Variants in LPP observed in about 807,000 individuals in gnomAD.
LPP encodes lipoma-preferred partner.
A neutral mutation model predicts 60.4 loss-of-function variants in LPP; 38 were observed. The ratio of observed to expected loss-of-function variants is 0.63; its 90% confidence interval spans 0.49 to 0.83. The LOEUF is 0.83. LPP is among the 40% of genes least tolerant of loss of function. The pLI is 0.00. For synonymous variants in LPP, 328 were observed against 290.8 expected (o/e 1.13, Z -1.30); for missense variants, 902 against 783.6 (o/e 1.15, Z -1.80).
chr3:188,180,460 C>T (rs941564688), intron 1 of LPP: 4 of 154,440 alleles, frequency 2.6e-5, no homozygotes, highest in African/African-American at 9.6e-5. Context: ...GGGGAATGTT[C>T]TGTCTCCTCT....
At chr3:188,171,529 T>G (rs1253111279) in intron 1 of LPP, among the ~76,000 whole-genome samples, 1 of 152,240 alleles carries the variant, frequency 6.6e-6, no homozygotes, top group Non-Finnish European at 1.5e-5. Context: ...GACAAATGAT[T>G]GCAATGGAGG....
chr3:188,298,065 A>G (rs1300657205), intron 2 of LPP, among the ~76,000 whole-genome samples: 8 of 152,224 alleles, frequency 5.3e-5, no homozygotes, highest in Admixed American at 5.2e-4. Flanking sequence ...CCAAGTTAAT[A>G]AACTGAATAT....
At chr3:188,608,921 G>A (rs1021195813) in intron 6 of LPP, among the ~76,000 whole-genome samples, 1 of 151,966 alleles carries the variant, frequency 6.6e-6, no homozygotes, top group Non-Finnish European at 1.5e-5. Context: ...TTATGCTACT[G>A]TAAGTAGAAT....
At chr3:188,709,904 A>G (rs1866271470) in intron 8 of LPP, 1 of 152,206 alleles carries the variant, frequency 6.6e-6, no homozygotes, top group Admixed American at 6.5e-5. Flanking sequence ...CTGTTAACGA[A>G]TTACTCTTTT....
intron 5 of LPP, among the ~76,000 whole-genome samples, chr3:188,517,233 C>T (rs1341927753): frequency 6.6e-6 from 1 of 152,102 alleles, no homozygotes; most frequent in South Asian, 2.1e-4. Context: ...GGTATTACAG[C>T]CTGACTCCAA....
chr3:188,407,788 G>GTTTTTTTTTTTTTTTTTTTTTTTT (rs869082030), intron 4 of LPP, among the ~76,000 whole-genome samples: 4 of 107,596 alleles, frequency 3.7e-5, no homozygotes, highest in African/African-American at 1.2e-4. Flanking sequence ...TTGTTTGTTT[G>GTTTTTTTTTTTTTTTTTTTTTTTT]TTTTTTTTTT....
rs192301478 is a variant in LPP, at chr3:188,479,948, C to T, written c.194-4644C>T. 5.8e-4 allele frequency among the ~76,000 whole-genome samples: 88 copies of T among 152,272 alleles called. 1 individual carries two copies. Among genetic ancestry groups the T allele is most frequent in the Non-Finnish European group, 1.0e-4 (7 of 68,012 alleles). Reference sequence around the variant, plus strand: ...TTTGCAGGTAAATTCTTGTTATCTTCACCCTCTGATGGGGGCCTTTGTTTC... The same window carrying T: ...TTTGCAGGTAAATTCTTGTTATCTTTACCCTCTGATGGGGGCCTTTGTTTC... On this transcript the variant is annotated intron_variant, in intron 4 of 11. Transcript: ENST00000617246.
chr3:188,407,351 T>C (rs542289773), intron 4 of LPP, among the ~76,000 whole-genome samples: 1 of 152,308 alleles, frequency 6.6e-6, no homozygotes, highest in South Asian at 2.1e-4. Flanking sequence ...AACACTTTAC[T>C]AGTCTGTTAG....
intron 6 of LPP, among the ~76,000 whole-genome samples, chr3:188,555,526 C>T (rs1829263369): frequency 6.6e-6 from 1 of 152,014 alleles, no homozygotes; most frequent in Admixed American, 6.6e-5. Flanking sequence ...GGATATATTT[C>T]CATTGCAGCC....
rs114763542 is a variant in LPP, at chr3:188,194,433, C to T, written c.-189-30972C>T. Among the ~76,000 whole-genome samples, 1,371 of 152,282 alleles carry T rather than the reference C, an allele frequency of 9.0e-3. 9 individuals carry two copies. Among genetic ancestry groups the T allele is most frequent in the South Asian group, 0.03 (146 of 4,832 alleles). On this transcript the variant is annotated intron_variant, in intron 1 of 11. Transcript: ENST00000617246. ...TTTCTGGGTCCTCTCTCTAGAGAGG[C>T]AACTGAGCCTCAACCATACCATCTC...
At chr3:188,305,396 A>G (rs1751201291) in intron 2 of LPP, among the ~76,000 whole-genome samples, 1 of 152,192 alleles carries the variant, frequency 6.6e-6, no homozygotes, top group Non-Finnish European at 1.5e-5. Flanking sequence ...AGTTAAGTTG[A>G]CATAACCCAT....
intron 6 of LPP, among the ~76,000 whole-genome samples, chr3:188,534,287 C>T (rs1161452245): frequency 6.6e-6 from 1 of 152,166 alleles, no homozygotes; most frequent in Non-Finnish European, 1.5e-5. Flanking sequence ...GAGTCCTTGG[C>T]TCCAAGATGA....
intron 6 of LPP, among the ~76,000 whole-genome samples, chr3:188,575,992 G>A (rs1010340419): frequency 6.6e-6 from 1 of 152,130 alleles, no homozygotes. Flanking sequence ...AAGCCCTATT[G>A]GAGAAGAAGC....
At chr3:188,624,916 C>CCCTTCCTTCCTTCTTT (rs1401172729) in intron 7 of LPP, among the ~76,000 whole-genome samples, 2 of 151,342 alleles carry the variant, frequency 1.3e-5, no homozygotes, top group Non-Finnish European at 2.9e-5. Flanking sequence ...CTTCTTTCCT[C>CCCTTCCTTCCTTCTTT]CCTTCCTTCC....
At chr3:188,332,968 A>T (rs534562356) in intron 2 of LPP, among the ~76,000 whole-genome samples, 1 of 142,376 alleles carries the variant, frequency 7.0e-6, no homozygotes, top group African/African-American at 2.6e-5. Context: ...TTCAATAAGG[A>T]AGCATCAGAA....
chr3:188,356,973 C>T (rs185279132), intron 3 of LPP, among the ~76,000 whole-genome samples: 3 of 152,312 alleles, frequency 2.0e-5, no homozygotes, highest in Non-Finnish European at 4.4e-5. Flanking sequence ...TGAATGCCCA[C>T]AACTTGAACT....
intron 6 of LPP, among the ~76,000 whole-genome samples, chr3:188,578,566 T>G (rs936783702): frequency 1.3e-5 from 2 of 152,236 alleles, no homozygotes; most frequent in Non-Finnish European, 2.9e-5. Flanking sequence ...GTCTTACTTT[T>G]TAAAGGGGAA....
chr3:188,286,954 G>A (rs188350767), intron 2 of LPP, among the ~76,000 whole-genome samples: 19 of 152,254 alleles, frequency 1.2e-4, no homozygotes, highest in African/African-American at 3.9e-4. Context: ...AGGCTGGAGT[G>A]CGATGGTGCT....
intron 9 of LPP, among the ~76,000 whole-genome samples, chr3:188,789,553 C>T (rs988308490): frequency 1.3e-5 from 2 of 152,176 alleles, no homozygotes; most frequent in Non-Finnish European, 2.9e-5. Context: ...ATAAATCTTC[C>T]TAACATACAA....
Sources: allele counts gnomAD v4.1 joint callset (sites outside exome capture counted in the v4.1 genomes callset), GRCh38; gene constraint gnomAD v4.1.1; transcripts MANE v1.5; gene names NCBI Gene and HGNC (gene_info 2026-07-23, HGNC 2026-07-21).